TRIM71: variants seen among roughly 807,000 people sequenced by gnomAD.
TRIM71 encodes E3 ubiquitin-protein ligase TRIM71.
Under a neutral mutation model 61.2 loss-of-function variants are expected in TRIM71, and 9 were observed. The ratio of observed to expected loss-of-function variants is 0.15; its 90% CI spans 0.09 to 0.26. TRIM71 has a LOEUF of 0.26. Ranked by LOEUF, TRIM71 falls within the 10% of genes least tolerant of loss-of-function variation. The pLI is 1.00. For synonymous variants in TRIM71, 645 were observed against 553.2 expected, an observed-to-expected ratio of 1.17 and a Z score of -2.33; for missense variants, 998 against 1,238.7, an observed-to-expected ratio of 0.81 and a Z score of 2.92.
chr3:32,826,826 G>C (rs186381771), intron 1 of TRIM71, among the ~76,000 whole-genome samples: 2 of 151,852 alleles, frequency 1.3e-5, no homozygotes, highest in African/African-American at 4.8e-5. Context: ...GCAGTGGTGC[G>C]AACTCAGCTC....
chr3:32,872,712 T>G (rs1426195101), intron 1 of TRIM71, among the ~76,000 whole-genome samples: 3 of 152,220 alleles, frequency 2.0e-5, no homozygotes, highest in Non-Finnish European at 4.4e-5. Flanking sequence ...GAACCAGCTC[T>G]GTAGAAGGCT....
Position 32,885,991 on chromosome 3 carries a change from G to T in TRIM71, c.1078G>T (p.Val360Leu). 1 of 1,614,222 alleles carries T rather than the reference G, an allele frequency of 6.2e-7. No individual in the cohort carries two copies. The highest frequency in any genetic ancestry group is 8.5e-7 in the Non-Finnish European group (1 of 1,180,040). ...ACAGGTGGAGATGAAGGCGAAGGTTGTGCAGTCGGAGGTCAAAGCCGTGAC... is the reference window on the plus strand; with the variant it reads ...ACAGGTGGAGATGAAGGCGAAGGTTTTGCAGTCGGAGGTCAAAGCCGTGAC... ...AEQVEMKAKV[V>L]QSEVKAVTAR... The change falls in exon 3 of 4, where the codon GTG becomes TTG. Residue 360 changes from valine to leucine, a missense_variant. By Grantham distance (32) the Val-to-Leu change is conservative (BLOSUM62 1). This residue lies in a region of TRIM71 where 291 missense variants were observed against 431.2 expected (regional missense o/e 0.67). Coordinates refer to ENST00000383763, the MANE Select transcript of TRIM71 (RefSeq NM_001039111.3).
At chr3:32,830,437 A>C (rs1696256702) in intron 1 of TRIM71, among the ~76,000 whole-genome samples, 1 of 152,126 alleles carries the variant, frequency 6.6e-6, no homozygotes, top group Admixed American at 6.6e-5. Context: ...GAGTTTTGTT[A>C]ATCTCTTGAA....
At chr3:32,882,179 C>CT (rs77204516) in intron 2 of TRIM71, among the ~76,000 whole-genome samples, 3,931 of 150,922 alleles carry the variant, frequency 0.026, 179 homozygotes, top group East Asian at 0.21. Context: ...CAGGCTGGGT[C>CT]TTTTTTTTTC....
At chr3:32,847,908 A>C (rs1014084856) in intron 1 of TRIM71, among the ~76,000 whole-genome samples, 1 of 152,228 alleles carries the variant, frequency 6.6e-6, no homozygotes, top group Non-Finnish European at 1.5e-5. Context: ...AAAATTTCAA[A>C]TGCAGTATAG....
chr3:32,866,694 C>T (rs907232404), intron 1 of TRIM71, among the ~76,000 whole-genome samples: 11 of 152,038 alleles, frequency 7.2e-5, no homozygotes, highest in Admixed American at 3.9e-4. Context: ...CACCAAGGGC[C>T]TGTGTGATTG....
rs919962247 is a variant in TRIM71, at chr3:32,819,097, G to A, written c.852+165G>A. 5.3e-5 allele frequency among the ~76,000 whole-genome samples: 8 copies of A among 152,356 alleles called. No homozygotes were observed. The East Asian group carries it at 1.3e-3, about 26-fold the overall frequency. On this transcript the variant is annotated intron_variant, in intron 1 of 3. Coordinates refer to ENST00000383763, the MANE Select transcript of TRIM71 (RefSeq NM_001039111.3). ...TTGCTACCAAAGTAGATCATGACCT[G>A]GGAAGTATGTGGAAGTGGATTCTGT... is the stretch of plus-strand genomic sequence containing the variant.
intron 2 of TRIM71, among the ~76,000 whole-genome samples, chr3:32,876,305 A>C (rs1309162707): frequency 2.6e-5 from 4 of 152,022 alleles, no homozygotes; most frequent in Non-Finnish European, 5.9e-5. Flanking sequence ...TGGTGTCAGC[A>C]GGGCACGGTT....
intron 2 of TRIM71, among the ~76,000 whole-genome samples, chr3:32,874,486 T>C (rs924617038): frequency 1.3e-5 from 2 of 151,252 alleles, no homozygotes; most frequent in Non-Finnish European, 2.9e-5. Context: ...CCTCAGCCTC[T>C]CAAGTAGCTA....
chr3:32,819,014 G>T lies in TRIM71; in HGVS notation c.852+82G>T. The T allele has an allele frequency of 4.1e-6, 6 of 1,463,380 alleles. No individual in the cohort carries two copies. In the South Asian group the frequency reaches 6.0e-5, roughly 15 times the overall value. The allele number at this position is 1,463,380 out of a possible 1,614,324, so 90.6% of individuals were successfully genotyped here. A position where few individuals can be genotyped will look rare whatever the true frequency, so the allele number is the denominator to read the frequency against. On this transcript the variant is annotated intron_variant, in intron 1 of 3. Transcript: ENST00000383763. Reference sequence around the variant, plus strand: ...AGCGTTTCCCGGCCGGTCCCACAGCGAGGGGAGGAGGCCCTCTCCGGATTT... The same window carrying T: ...AGCGTTTCCCGGCCGGTCCCACAGCTAGGGGAGGAGGCCCTCTCCGGATTT...
chr3:32,872,585 A>G (rs1472957343), intron 1 of TRIM71, among the ~76,000 whole-genome samples: 1 of 152,164 alleles, frequency 6.6e-6, no homozygotes, highest in Admixed American at 6.5e-5. Flanking sequence ...TTCTCACCAG[A>G]ATGAGCTTCT....
At chr3:32,858,528 G>C (rs1394933608) in intron 1 of TRIM71, among the ~76,000 whole-genome samples, 1 of 152,190 alleles carries the variant, frequency 6.6e-6, no homozygotes, top group Non-Finnish European at 1.5e-5. Flanking sequence ...CTCTAAAACA[G>C]ATGGAGTTGG....
chr3:32,818,643 C>A lies in TRIM71; in HGVS notation c.563C>A (p.Pro188Gln), dbSNP rs773330912. The A allele has an allele frequency of 1.2e-5, 17 of 1,470,906 alleles. No individual in the cohort carries two copies. The highest frequency in any genetic ancestry group is 8.8e-5 in the African/African-American group (6 of 67,908). 91.1% of individuals were successfully genotyped at this position (1,470,906 alleles called of 1,614,324 possible). Residue 188 changes from proline to glutamine, a missense_variant, in exon 1 of 4, where the codon CCG (proline) becomes CAG (glutamine). Pro to Gln is a moderately conservative substitution (Grantham distance 76). Around this residue, in one of 5 missense-constraint regions of TRIM71, gnomAD observed 527 missense variants for 427.8 expected, o/e 1.23. Transcript: ENST00000383763. ...GCACCCGGCGGCCCTGCCGCTTCCC[C>A]GTCGGCGCTGCTGCTCCGCCGTCCT... Reference protein sequence around the residue: ...RSAPGGPAASPSALLLRRPHG... With the variant: ...RSAPGGPAASQSALLLRRPHG...
At chr3:32,836,528 A>G (rs1173323644) in intron 1 of TRIM71, among the ~76,000 whole-genome samples, 3 of 152,198 alleles carry the variant, frequency 2.0e-5, no homozygotes, top group African/African-American at 7.2e-5. Context: ...TTAAATTTTT[A>G]GTGTGATAGA....
chr3:32,864,237 A>G (rs960249234), intron 1 of TRIM71, among the ~76,000 whole-genome samples: 1 of 152,188 alleles, frequency 6.6e-6, no homozygotes, highest in Admixed American at 6.5e-5. Flanking sequence ...GTTCAAAACT[A>G]TATTTGGGAG....
chr3:32,823,119 G>A (rs973937010), intron 1 of TRIM71, among the ~76,000 whole-genome samples: 3 of 152,148 alleles, frequency 2.0e-5, no homozygotes. Flanking sequence ...AATTACAGAG[G>A]TTGCTGCTTT....
intron 1 of TRIM71, among the ~76,000 whole-genome samples, chr3:32,846,324 C>T (rs1050928464): frequency 3.3e-5 from 5 of 152,204 alleles, no homozygotes; most frequent in Admixed American, 2.0e-4. Flanking sequence ...ATCCACACGC[C>T]TCAGCCTCCC....
At chr3:32,861,272 G>A (rs2125685121) in intron 1 of TRIM71, among the ~76,000 whole-genome samples, 1 of 151,042 alleles carries the variant, frequency 6.6e-6, no homozygotes, top group South Asian at 2.1e-4. Context: ...CCGCCTCCAG[G>A]TTCAAGCAAT....
In TRIM71 at chr3:32,879,998, T is replaced by C. The variant is rs72852842; in HGVS notation, c.1021-5936T>C. On this transcript the variant is annotated intron_variant, in intron 2 of 3. Coordinates refer to ENST00000383763, the MANE Select transcript of TRIM71 (RefSeq NM_001039111.3). Reference sequence around the variant, plus strand: ...GTGGGTTTTTCTTTTATTTTCTTTTTTATCTATGAAGTGCAATAAAATGAG... The same window carrying C: ...GTGGGTTTTTCTTTTATTTTCTTTTCTATCTATGAAGTGCAATAAAATGAG... Among the ~76,000 whole-genome samples, 1,376 of 152,180 alleles carry C rather than the reference T, an allele frequency of 9.0e-3. 23 individuals carry two copies. Among genetic ancestry groups the C allele is most frequent in the African/African-American group, 0.031 (1,285 of 41,516 alleles).
Sources: allele counts gnomAD v4.1 joint callset (sites outside exome capture counted in the v4.1 genomes callset), GRCh38; gene constraint gnomAD v4.1.1; regional missense constraint gnomAD v4.1.1; transcripts MANE v1.5; gene names NCBI Gene and HGNC (gene_info 2026-07-23, HGNC 2026-07-21).